Variants in PGM1 observed in about 807,000 individuals in gnomAD.
PGM1 encodes the protein phosphoglucomutase 1, also known as phosphoglucomutase-1.
Under a neutral mutation model 55.6 loss-of-function variants are expected in PGM1, and 52 were observed. That is an observed-to-expected ratio of 0.94 (90% confidence interval 0.75 to 1.18). The LOEUF (loss-of-function observed/expected upper bound fraction) is 1.18, where lower values mean the gene tolerates loss of function less well. Among genes scored for constraint, PGM1 ranks in the 50% most tolerant of loss-of-function variants. The pLI is 0.00. For missense variants in PGM1, 724 were observed against 729.3 expected (o/e 0.99, Z 0.08); for synonymous variants, 287 against 271.7 (o/e 1.06, Z -0.55).
chr1:63,610,469 T>C (rs908393289), intron 1 of PGM1, among the ~76,000 whole-genome samples: 2 of 152,246 alleles, frequency 1.3e-5, no homozygotes, highest in Non-Finnish European at 2.9e-5. Context: ...TAAAAGTATA[T>C]ATAATCTTTG....
chr1:63,600,294 T>A (rs977463706), intron 1 of PGM1: 1 of 152,268 alleles, frequency 6.6e-6, no homozygotes, highest in African/African-American at 2.4e-5. Flanking sequence ...TTTTCTTTTT[T>A]AATCAAATCT....
chr1:63,648,777 T>C (rs1404076325), intron 8 of PGM1, 125 bp downstream of exon 8: 7 of 1,008,982 alleles, frequency 6.9e-6, no homozygotes, highest in African/African-American at 1.6e-5. Context: ...CCTCTCTCAA[T>C]TGGAGACTTT....
At position 63,631,748 on chromosome 1, in the gene PGM1, C is replaced by T. The variant is rs557383041; in HGVS notation, c.648C>T (p.Asn216=). ...TGAAAGAACTACTTTCTGGGCCAAA[C>T]CGACTGAAGATCCGTATTGATGCTA... The part of the protein sequence containing the change: ...SALKELLSGP[N]RLKIRIDAMH... Residue 216 remains asparagine (N), a synonymous_variant, in exon 4 of 11, where the codon AAC becomes AAT. Transcript: ENST00000371084. The T allele has an allele frequency of 2.2e-5, 36 of 1,613,664 alleles. No individual in the cohort carries two copies. The South Asian group carries it at 3.7e-4, about 17-fold the overall frequency.
At chr1:63,648,782 G>C (rs1649726657) in intron 8 of PGM1, 130 bp downstream of exon 8, 3 of 984,662 alleles carry the variant, frequency 3.0e-6, no homozygotes, top group Admixed American at 1.9e-5. Context: ...CTCAATTGGA[G>C]ACTTTAAAAA....
chr1:63,625,960 G>A, intron 1 of PGM1, among the ~76,000 whole-genome samples: 1 of 152,254 alleles, frequency 6.6e-6, no homozygotes, highest in Admixed American at 6.5e-5. Flanking sequence ...AATGGAACTT[G>A]TTTTTTAAAT....
At chr1:63,622,241 T>A (rs1648899928) in intron 1 of PGM1, among the ~76,000 whole-genome samples, 1 of 152,008 alleles carries the variant, frequency 6.6e-6, no homozygotes, top group African/African-American at 2.4e-5. Context: ...AACAGACTGG[T>A]CTCGAACTCC....
At chr1:63,600,915 A>G (rs1648225299) in intron 1 of PGM1, among the ~76,000 whole-genome samples, 1 of 152,234 alleles carries the variant, frequency 6.6e-6, no homozygotes. Context: ...AAGATGTGTA[A>G]TCAACATTGA....
In PGM1 at chr1:63,629,503, A is replaced by G. The variant is rs746284413; in HGVS notation, c.325A>G (p.Ile109Val). ...VSCIIRKIKAIGGIILTASHN... is the reference protein window; with the variant it reads ...VSCIIRKIKAVGGIILTASHN... ...CTGCATCATTAGAAAAATCAAAGCC[A>G]TTGGTGGGATCATTCTGACAGCCAG... The change falls in exon 2 of 11, where the codon ATT becomes GTT. Residue 109 changes from isoleucine to valine, a missense_variant. By Grantham distance (29) the Ile-to-Val change is conservative. Transcript: ENST00000371084. 5 of 1,613,614 alleles carry G rather than the reference A, an allele frequency of 3.1e-6. No individual in the cohort carries two copies. The highest frequency in any genetic ancestry group is 2.7e-5 in the African/African-American group (2 of 74,874).
intron 1 of PGM1, among the ~76,000 whole-genome samples, chr1:63,599,511 AAC>A (rs1404830679): frequency 1.1e-4 from 16 of 143,298 alleles, no homozygotes; most frequent in South Asian, 4.5e-4. Flanking sequence ...AAAAAAAAAA[AAC>A]CACTTTTTAA....
At chr1:63,596,414 A>G (rs1648073807) in intron 1 of PGM1, among the ~76,000 whole-genome samples, 1 of 150,240 alleles carries the variant, frequency 6.7e-6, no homozygotes, top group African/African-American at 2.4e-5. Flanking sequence ...GCACCACCAC[A>G]CCTGGCTAAT....
chr1:63,607,178 C>T (rs185167504), intron 1 of PGM1, among the ~76,000 whole-genome samples: 5 of 152,180 alleles, frequency 3.3e-5, no homozygotes, highest in Non-Finnish European at 4.4e-5. Flanking sequence ...TCAGTCTCTA[C>T]GTTTGTGTGG....
At chr1:63,608,425 G>C (rs1490184329) in intron 1 of PGM1, among the ~76,000 whole-genome samples, 1 of 152,214 alleles carries the variant, frequency 6.6e-6, no homozygotes, top group Non-Finnish European at 1.5e-5. Flanking sequence ...AGAGAGTCCT[G>C]TCAGCTCTAA....
chr1:63,606,747 A>T (rs1414678417), intron 1 of PGM1, among the ~76,000 whole-genome samples: 4 of 152,240 alleles, frequency 2.6e-5, no homozygotes, highest in Non-Finnish European at 4.4e-5. Context: ...TGATGTTGGG[A>T]AACAACCAAT....
chr1:63,635,020 G>T lies in PGM1; in HGVS notation c.873+1G>T. ...TGGGGCTGCCTTTGATGGAGATGGG[G>T]TGGGTATAAGTGCATTTAAGTGAAC... is the stretch of plus-strand genomic sequence containing the variant. On this transcript the variant is annotated splice_donor_variant, in intron 5 of 10. Transcript: ENST00000371084. LOFTEE classifies it high-confidence loss of function. The T allele has an allele frequency of 6.2e-7, 1 of 1,612,952 alleles. No individual in the cohort carries two copies. The highest frequency in any genetic ancestry group is 8.5e-7 in the Non-Finnish European group (1 of 1,179,136).
intron 7 of PGM1, among the ~76,000 whole-genome samples, chr1:63,641,174 A>G (rs1649505522): frequency 1.3e-5 from 2 of 152,230 alleles, no homozygotes; most frequent in South Asian, 2.1e-4. Flanking sequence ...ATTTATTAAC[A>G]CATTCAACAA....
At chr1:63,635,130 C>T (rs1431383809) in intron 5 of PGM1, 111 bp downstream of exon 5, 2 of 897,844 alleles carry the variant, frequency 2.2e-6, no homozygotes, top group African/African-American at 1.6e-5. Context: ...GTTAAGGATC[C>T]CTCATTCTGA....
chr1:63,596,649 A>G (rs951104987), intron 1 of PGM1, among the ~76,000 whole-genome samples: 2 of 152,106 alleles, frequency 1.3e-5, no homozygotes, highest in South Asian at 2.1e-4. Context: ...TTCTCTTGTG[A>G]TATGATTCAG....
chr1:63,599,172 C>CA (rs1181445747), intron 1 of PGM1, among the ~76,000 whole-genome samples: 1 of 149,146 alleles, frequency 6.7e-6, no homozygotes, highest in Non-Finnish European at 1.5e-5. Flanking sequence ...CTTCAAGTCA[C>CA]TTTTTTTTTT....
intron 9 of PGM1, among the ~76,000 whole-genome samples, chr1:63,653,926 G>T (rs779869995): frequency 1.3e-5 from 2 of 152,140 alleles, no homozygotes. Flanking sequence ...TTCAGCTCTG[G>T]TTTCAGCCCC....
Sources: gnomAD v4.1 joint callset for allele counts (sites outside exome capture counted in the v4.1 genomes callset) on GRCh38, gnomAD v4.1.1 for gene constraint, MANE v1.5 for transcripts, NCBI Gene and HGNC (gene_info 2026-07-23, HGNC 2026-07-21) for gene names.